The following LRRC1 variants were observed in gnomAD, a reference collection of about 807,000 sequenced individuals.
The protein encoded by LRRC1 is leucine rich repeat containing 1, also known as leucine-rich repeat-containing protein 1.
In LRRC1, 28 loss-of-function variants were observed where a neutral mutation model predicts 69.9. The observed-to-expected ratio is 0.40, with a 90% CI of 0.30 to 0.55. LRRC1 has a LOEUF of 0.55. Ranked by LOEUF, LRRC1 falls within the 20% of genes least tolerant of loss-of-function variation. The pLI is 0.47. For synonymous variants in LRRC1, 236 were observed against 240.2 expected (o/e 0.98, Z 0.16); for missense variants, 498 against 609.0 (o/e 0.82, Z 1.92).
intron 2 of LRRC1, among the ~76,000 whole-genome samples, chr6:53,873,008 C>T (rs927380436): frequency 2.0e-5 from 3 of 151,956 alleles, no homozygotes; most frequent in Non-Finnish European, 4.4e-5. Context: ...CTGCCTGCTT[C>T]GACCTCCCAA....
At chr6:53,819,843 C>T (rs184901151) in intron 1 of LRRC1, among the ~76,000 whole-genome samples, 72 of 152,292 alleles carry the variant, frequency 4.7e-4, no homozygotes, top group Admixed American at 1.4e-3. Context: ...TCACTCCCCT[C>T]ATCCTGGGCT....
rs767103862 is a variant in LRRC1, at chr6:53,896,507, C to T, written c.456C>T (p.Asn152=). The T allele has an allele frequency of 1.2e-6, 2 of 1,612,952 alleles. No homozygotes were observed. The highest frequency in any genetic ancestry group is 2.2e-5 in the East Asian group (1 of 44,856). ...SLPENIGNLY[N]LASLELRENL... is the part of the protein sequence containing the mutation. Reference sequence around the variant, plus strand: ...TTCTGTTCATTTCTAGTCTTTATAACCTGGCTTCACTGGAACTGAGAGAGA... The same window carrying T: ...TTCTGTTCATTTCTAGTCTTTATAATCTGGCTTCACTGGAACTGAGAGAGA... The change falls in exon 5 of 14, where the codon AAC becomes AAT. Residue 152 remains asparagine (N), a synonymous_variant. Coordinates refer to ENST00000370888, the MANE Select transcript of LRRC1 (RefSeq NM_018214.5).
rs1454181598 is a variant in LRRC1, at chr6:53,900,042, T to G, written c.787+151T>G. ...ACTGTTTTTTTTTTTTTTTTTTTTT[T>G]TTTTTTTTTTTCTGAGATGGAGTCT... On this transcript the variant is annotated intron_variant, in intron 8 of 13. Transcript: ENST00000370888. The G allele has an allele frequency of 1.0e-4, 61 of 596,140 alleles. 1 individual carries two copies. The highest frequency in any genetic ancestry group is 7.5e-4 in the African/African-American group (27 of 35,774). 36.9% of individuals were successfully genotyped at this position (596,140 alleles called of 1,614,324 possible).
At chr6:53,826,983 C>T (rs1238883276) in intron 1 of LRRC1, among the ~76,000 whole-genome samples, 2 of 152,160 alleles carry the variant, frequency 1.3e-5, no homozygotes, top group South Asian at 2.1e-4. Flanking sequence ...AATGTGCATC[C>T]AGGCTTAGGA....
At chr6:53,855,470 A>C (rs1766280068) in intron 2 of LRRC1, among the ~76,000 whole-genome samples, 1 of 152,202 alleles carries the variant, frequency 6.6e-6, no homozygotes, top group Non-Finnish European at 1.5e-5. Context: ...AAACCTAAGT[A>C]ACACCAGAGA....
intron 1 of LRRC1, among the ~76,000 whole-genome samples, chr6:53,831,213 G>T (rs775012266): frequency 4.6e-5 from 7 of 151,914 alleles, no homozygotes; most frequent in Non-Finnish European, 8.8e-5. Flanking sequence ...CTGAAATCTG[G>T]TTAGGGCCTA....
At chr6:53,862,383 AT>A (rs911505105) in intron 2 of LRRC1, among the ~76,000 whole-genome samples, 5 of 151,400 alleles carry the variant, frequency 3.3e-5, no homozygotes, top group Non-Finnish European at 7.4e-5. Context: ...AACTGTCCAC[AT>A]TTTTTTCTGC....
At chr6:53,824,547 C>A (rs2127410050) in intron 1 of LRRC1, among the ~76,000 whole-genome samples, 1 of 152,270 alleles carries the variant, frequency 6.6e-6, no homozygotes. Context: ...GTGTCTTGGT[C>A]ATGAAATCTT....
rs186927808 is a variant in LRRC1 at position 53,895,526 on chromosome 6, T to A, written c.447-972T>A. Reference sequence around the variant, plus strand: ...AATGTCTGACTTTTTGTGTTCTGTGTGCTCAGAAATGAAATTCCTCCAAAT... The same window carrying A: ...AATGTCTGACTTTTTGTGTTCTGTGAGCTCAGAAATGAAATTCCTCCAAAT... On this transcript the variant is annotated intron_variant, in intron 4 of 13. Transcript: ENST00000370888. Among the ~76,000 whole-genome samples the A allele has an allele frequency of 2.6e-5, 4 of 152,150 alleles. No individual in the cohort carries two copies. The East Asian group carries it at 7.7e-4, about 29-fold the overall frequency.
chr6:53,871,225 A>C (rs1562052532), intron 2 of LRRC1, among the ~76,000 whole-genome samples: 1 of 152,182 alleles, frequency 6.6e-6, no homozygotes, highest in Non-Finnish European at 1.5e-5. Flanking sequence ...GTTTTTCATA[A>C]TGGCTGTACT....
At chr6:53,877,505 C>G (rs1767113564) in intron 2 of LRRC1, among the ~76,000 whole-genome samples, 1 of 152,104 alleles carries the variant, frequency 6.6e-6, no homozygotes, top group Admixed American at 6.6e-5. Context: ...AAATTTTATG[C>G]TCTGCTTCCC....
In LRRC1 at chr6:53,902,750, A is replaced by G; in HGVS notation, c.906+3A>G. 1 of 1,582,296 alleles carries G rather than the reference A, an allele frequency of 6.3e-7. No individual in the cohort carries two copies. The highest frequency in any genetic ancestry group is 8.7e-7 in the Non-Finnish European group (1 of 1,155,394). On this transcript the variant is annotated splice_donor_region_variant and intron_variant, in intron 9 of 13. Transcript: ENST00000370888. ...TTCTTACAGAAAATCAGCTCCTGGTAAGTGTGGTTTGCACATATATCATAA... is the reference window on the plus strand; with the variant it reads ...TTCTTACAGAAAATCAGCTCCTGGTGAGTGTGGTTTGCACATATATCATAA...
chr6:53,921,800 C>T (rs902258178), intron 13 of LRRC1, among the ~76,000 whole-genome samples: 1 of 152,142 alleles, frequency 6.6e-6, no homozygotes, highest in Non-Finnish European at 1.5e-5. Flanking sequence ...GGATTTTAGG[C>T]ATTTACAATC....
At chr6:53,802,287 G>C (rs545258073) in intron 1 of LRRC1, among the ~76,000 whole-genome samples, 2 of 152,284 alleles carry the variant, frequency 1.3e-5, no homozygotes, top group African/African-American at 2.4e-5. Context: ...GCAGGGGCTC[G>C]TTGCAGTGGT....
rs758925242 is a variant in LRRC1 at position 53,899,735 on chromosome 6, T to A, written c.643-12T>A. The stretch of plus-strand genomic sequence containing the variant: ...TTAAGTGTGCGTTTATTTTTCCATG[T>A]CATTGTTATAGGAAATAGGAAATCT... On this transcript the variant is annotated splice_polypyrimidine_tract_variant and intron_variant, in intron 7 of 13. Coordinates refer to ENST00000370888, the MANE Select transcript of LRRC1 (RefSeq NM_018214.5). 8 of 1,612,196 alleles carry A rather than the reference T, an allele frequency of 5.0e-6. No individual in the cohort carries two copies. Among genetic ancestry groups the A allele is most frequent in the Non-Finnish European group, 6.8e-6 (8 of 1,179,132 alleles).
At chr6:53,849,588 G>A (rs758725286) in intron 2 of LRRC1, among the ~76,000 whole-genome samples, 3 of 152,210 alleles carry the variant, frequency 2.0e-5, no homozygotes. Flanking sequence ...CAACATGCTC[G>A]CACCACTGCA....
chr6:53,838,668 T>C (rs4639324), intron 1 of LRRC1, among the ~76,000 whole-genome samples: 24,000 of 152,224 alleles, frequency 0.16, 2,001 homozygotes, highest in African/African-American at 0.17. Flanking sequence ...CGTGACTCTA[T>C]TGAATGGCTT....
intron 1 of LRRC1, among the ~76,000 whole-genome samples, chr6:53,821,878 A>G (rs1581853332): frequency 2.9e-5 from 1 of 34,458 alleles, no homozygotes; most frequent in South Asian, 1.0e-3. Context: ...TAGTAATGCT[A>G]GTTTTTTTTT....
At chr6:53,843,544 T>G (rs967581119) in intron 2 of LRRC1, among the ~76,000 whole-genome samples, 1 of 152,210 alleles carries the variant, frequency 6.6e-6, no homozygotes, top group African/African-American at 2.4e-5. Context: ...TATTTCTTAC[T>G]TTGAAGGTAC....
Sources: allele counts gnomAD v4.1 joint callset (sites outside exome capture counted in the v4.1 genomes callset), GRCh38; gene constraint gnomAD v4.1.1; transcripts MANE v1.5; gene names NCBI Gene and HGNC (gene_info 2026-07-23, HGNC 2026-07-21).